Variants in FGB observed in about 807,000 individuals in gnomAD.
The protein encoded by FGB is beta-fibrinogen.
Under a neutral mutation model 57.9 loss-of-function variants are expected in FGB, and 25 were observed. The observed-to-expected ratio is 0.43, with a 90% CI of 0.31 to 0.60. The LOEUF (loss-of-function observed/expected upper bound fraction) is 0.60. FGB is among the 20% of genes least tolerant of loss of function. The probability of loss-of-function intolerance (pLI) is 0.08; values close to 1 mark genes in which losing one functional copy is unlikely to be tolerated. For missense variants in FGB, 536 were observed against 598.4 expected, an observed-to-expected ratio of 0.90 and a Z score of 1.09; for synonymous variants, 203 against 199.2, an observed-to-expected ratio of 1.02 and a Z score of -0.16.
rs1465669780 is a variant in FGB at position 154,571,657 on chromosome 4, G to A, written c.*1007G>A. ...GCCCATAGAAACGAGGTCTATTCTT[G>A]TCCTCAATTAGGCTTTTTTTTCTTC... On this transcript the variant is annotated 3_prime_UTR_variant, in exon 8 of 8. Transcript: ENST00000302068. 6.6e-6 allele frequency among the ~76,000 whole-genome samples: 1 copy of A among 152,042 alleles called. No individual in the cohort carries two copies. Among genetic ancestry groups the A allele is most frequent in the Non-Finnish European group, 1.5e-5 (1 of 68,016 alleles).
At chr4:154,568,268 T>C in intron 4 of FGB, 113 bp from the exon 5 acceptor site, 1 of 734,934 alleles carries the variant, frequency 1.4e-6, no homozygotes, top group East Asian at 2.6e-5. Flanking sequence ...TTCAAAGGTC[T>C]ATAATAACAC....
rs201307744 is a variant in FGB at position 154,570,605 on chromosome 4, G to A, written c.1431G>A (p.Met477Ile). ...WMNWKGSWYS[M>I]RKMSMKIRPF... is the part of the protein sequence containing the mutation. Reference sequence around the variant, plus strand: ...ATTGGAAGGGGTCATGGTACTCAATGAGGAAGATGAGTATGAAGATCAGGC... The same window carrying A: ...ATTGGAAGGGGTCATGGTACTCAATAAGGAAGATGAGTATGAAGATCAGGC... The change falls in exon 8 of 8, where the codon ATG becomes ATA. Residue 477 changes from methionine (M) to isoleucine (I), a missense_variant. Physicochemically the swap from Met to Ile is conservative, Grantham distance 10. Around this residue, in one of 3 missense-constraint regions of FGB, gnomAD observed 177 missense variants for 193.7 expected, o/e 0.91. Coordinates refer to ENST00000302068, the MANE Select transcript of FGB (RefSeq NM_005141.5). 5.6e-6 allele frequency: 9 copies of A among 1,614,092 alleles called. No homozygotes were observed. The highest frequency in any genetic ancestry group is 5.0e-5 in the Admixed American group (3 of 60,010).
intron 1 of FGB, chr4:154,565,212 C>G (rs528071571): frequency 2.2e-6 from 1 of 464,202 alleles, no homozygotes; most frequent in Non-Finnish European, 4.5e-6. Context: ...ACAGATAAAG[C>G]AACTTGCCCA....
At chr4:154,570,323 G>C (rs1014019919) in intron 7 of FGB, 96 bp from the exon 8 acceptor site, 2 of 857,180 alleles carry the variant, frequency 2.3e-6, no homozygotes, top group Non-Finnish European at 2.0e-6. Context: ...AGACTACTGT[G>C]CACACGAGTG....
chr4:154,563,902 C>G (rs1730048888), intron 1 of FGB, among the ~76,000 whole-genome samples: 1 of 151,834 alleles, frequency 6.6e-6, no homozygotes, highest in Non-Finnish European at 1.5e-5. Context: ...AGCATAGTAT[C>G]ATTAAACTAG....
rs955287631 is a variant in FGB, at chr4:154,570,910, T to A, written c.*260T>A. 2 of 488,740 alleles carry A rather than the reference T, an allele frequency of 4.1e-6. No individual in the cohort carries two copies. The highest frequency in any genetic ancestry group is 6.7e-5 in the Admixed American group (2 of 30,058). 30.3% of individuals were successfully genotyped at this position (488,740 alleles called of 1,614,324 possible). ...GTTCATAATTTCAGTTCTAGTTGAT[T>A]GCGAGAATTTTCAAATAAGGAAGAG... On this transcript the variant is annotated 3_prime_UTR_variant, in exon 8 of 8. Coordinates refer to ENST00000302068, the MANE Select transcript of FGB (RefSeq NM_005141.5).
rs774017438 is a variant in FGB at position 154,567,574 on chromosome 4, C to G, written c.491-19C>G. On this transcript the variant is annotated intron_variant, in intron 3 of 7. Coordinates refer to ENST00000302068, the MANE Select transcript of FGB (RefSeq NM_005141.5). Reference sequence around the variant, plus strand: ...GAGGCAAAAATGCTAACTATTTCTACATAATTTCATTTTTCCAGATAATGA... The same window carrying G: ...GAGGCAAAAATGCTAACTATTTCTAGATAATTTCATTTTTCCAGATAATGA... 7 of 1,475,180 alleles carry G rather than the reference C, an allele frequency of 4.7e-6. No homozygotes were observed. The highest frequency in any genetic ancestry group is 6.6e-6 in the Non-Finnish European group (7 of 1,053,376). The allele number at this position is 1,475,180 out of a possible 1,614,324, so 91.4% of individuals were successfully genotyped here.
At position 154,565,804 on chromosome 4, in the gene FGB, G is replaced by A. The variant is rs1380552701; in HGVS notation, c.115-4G>A. ...GTATTATATTTCTGCCTCATTCCTT[G>A]TAGGGTTTCTTCAGTGCCCGTGGTC... is the stretch of plus-strand genomic sequence containing the variant. On this transcript the variant is annotated splice_region_variant and splice_polypyrimidine_tract_variant and intron_variant, in intron 1 of 7. Coordinates refer to ENST00000302068, the MANE Select transcript of FGB (RefSeq NM_005141.5). 2 of 1,613,964 alleles carry A rather than the reference G, an allele frequency of 1.2e-6. No individual in the cohort carries two copies. The highest frequency in any genetic ancestry group is 4.5e-5 in the East Asian group (2 of 44,880).
In FGB at chr4:154,569,803, T is replaced by A. The variant is rs1391344093; in HGVS notation, c.1244+4T>A. ...ATGACAGAGACAATGACGGCTGGTA[T>A]GTGTGGCACTCTTTGCTCCTGCTTT... On this transcript the variant is annotated splice_donor_region_variant and intron_variant, in intron 7 of 7. Coordinates refer to ENST00000302068, the MANE Select transcript of FGB (RefSeq NM_005141.5). 6 of 1,613,982 alleles carry A rather than the reference T, an allele frequency of 3.7e-6. No homozygotes were observed. Among genetic ancestry groups the A allele is most frequent in the Non-Finnish European group, 5.1e-6 (6 of 1,179,984 alleles).
chr4:154,566,222 G>T (rs1730153919), intron 2 of FGB, among the ~76,000 whole-genome samples: 2 of 152,078 alleles, frequency 1.3e-5, no homozygotes, highest in South Asian at 4.1e-4. Flanking sequence ...AGGATATGTG[G>T]GTGCCACCTT....
Position 154,565,948 on chromosome 4 carries a change from A to G in FGB, c.255A>G (p.Val85=), listed in dbSNP as rs747581058. 1.2e-5 allele frequency: 20 copies of G among 1,614,096 alleles called. No homozygotes were observed. The highest frequency in any genetic ancestry group is 1.6e-5 in the Non-Finnish European group (19 of 1,180,014). ...AAGCAGCTGCCACTCAAAAGAAAGT[A>G]GAAAGAAAAGCCCCTGATGCTGGAG... ...PAKAAATQKK[V]ERKAPDAGGC... The change falls in exon 2 of 8, where the codon GTA becomes GTG. Residue 85 remains valine (V), a synonymous_variant. Coordinates refer to ENST00000302068, the MANE Select transcript of FGB (RefSeq NM_005141.5).
At chr4:154,568,345 T>A (rs1730258160) in intron 4 of FGB, 36 bp from the exon 5 acceptor site, 1 of 1,080,340 alleles carries the variant, frequency 9.3e-7, no homozygotes, top group Non-Finnish European at 1.4e-6. Flanking sequence ...AATTATGTCA[T>A]AAACCCCTGA....
At position 154,566,490 on chromosome 4, in the gene FGB, G is replaced by A; in HGVS notation, c.308G>A (p.Gly103Glu). The part of the protein sequence containing the change: ...GGCLHADPDL[G>E]VLCPTGCQLQ... ...GCCTGCTATTTTCTTTGTTTTTAGG[G>A]GGTGTTGTGTCCTACAGGATGTCAG... The change falls in exon 3 of 8, where the codon GGG (glycine) becomes GAG (glutamate). Residue 103 changes from glycine (G) to glutamate (E), a missense_variant and splice_region_variant. Physicochemically the swap from Gly to Glu is moderately conservative, Grantham distance 98. Around this residue, in one of 3 missense-constraint regions of FGB, gnomAD observed 354 missense variants for 383.4 expected, o/e 0.92. Transcript: ENST00000302068. The A allele has an allele frequency of 6.2e-7, 1 of 1,614,006 alleles. No individual in the cohort carries two copies. Among genetic ancestry groups the A allele is most frequent in the Non-Finnish European group, 8.5e-7 (1 of 1,179,960 alleles).
chr4:154,565,614 G>T, intron 1 of FGB, 194 bp from the exon 2 acceptor site: 3 of 601,166 alleles, frequency 5.0e-6, no homozygotes, highest in Admixed American at 3.0e-5. Flanking sequence ...TAGCTTTTTT[G>T]TGCAGTTGGT....
intron 1 of FGB, among the ~76,000 whole-genome samples, chr4:154,564,373 C>A (rs1289080647): frequency 2.6e-5 from 4 of 152,044 alleles, no homozygotes; most frequent in African/African-American, 7.2e-5. Flanking sequence ...AAATAGTTTT[C>A]TCTGTTATAA....
At position 154,565,799 on chromosome 4, in the gene FGB, T is replaced by C; in HGVS notation, c.115-9T>C. 6.2e-7 allele frequency: 1 copy of C among 1,613,892 alleles called. No homozygotes were observed. Among genetic ancestry groups the C allele is most frequent in the Non-Finnish European group, 8.5e-7 (1 of 1,179,774 alleles). On this transcript the variant is annotated splice_polypyrimidine_tract_variant and intron_variant, in intron 1 of 7. Transcript: ENST00000302068. Reference sequence around the variant, plus strand: ...ACTCTGTATTATATTTCTGCCTCATTCCTTGTAGGGTTTCTTCAGTGCCCG... The same window carrying C: ...ACTCTGTATTATATTTCTGCCTCATCCCTTGTAGGGTTTCTTCAGTGCCCG...
chr4:154,569,090 A>T (rs1730299823), intron 5 of FGB, 92 bp from the exon 6 acceptor site: 1 of 1,362,244 alleles, frequency 7.3e-7, no homozygotes, highest in Non-Finnish European at 1.1e-6. Flanking sequence ...ATATATACTA[A>T]ATGGAATGGA....
chr4:154,564,507 G>A (rs145063836), intron 1 of FGB, among the ~76,000 whole-genome samples: 71 of 152,170 alleles, frequency 4.7e-4, no homozygotes, highest in African/African-American at 1.7e-3. Flanking sequence ...TACATATTAA[G>A]AATGTATATA....
At chr4:154,563,178 ATAAG>A in intron 1 of FGB, 46 bp downstream of exon 1, 1 of 794,448 alleles carries the variant, frequency 1.3e-6, no homozygotes, top group Non-Finnish European at 2.1e-6. Flanking sequence ...TATTATTAAT[ATAAG>A]ATGTAACATA....
Sources: allele counts gnomAD v4.1 joint callset (sites outside exome capture counted in the v4.1 genomes callset), GRCh38; gene constraint gnomAD v4.1.1; regional missense constraint gnomAD v4.1.1; transcripts MANE v1.5; gene names NCBI Gene and HGNC (gene_info 2026-07-23, HGNC 2026-07-21).